DENND2C: variants seen among roughly 807,000 people sequenced by gnomAD.
DENND2C encodes DENN domain containing 2C.
In DENND2C, 72 loss-of-function variants were observed where a neutral mutation model predicts 112.4. The observed-to-expected ratio is 0.64, with a 90% CI of 0.53 to 0.78. The LOEUF (loss-of-function observed/expected upper bound fraction) is 0.78. Among genes scored for constraint, DENND2C ranks in the 30% least tolerant of loss-of-function variants. The pLI is 0.00. For synonymous variants in DENND2C, 329 were observed against 381.6 expected, an observed-to-expected ratio of 0.86 and a Z score of 1.61; for missense variants, 992 against 1,113.8, an observed-to-expected ratio of 0.89 and a Z score of 1.56.
chr1:114,646,087 C>T (rs1017505575), intron 2 of DENND2C, among the ~76,000 whole-genome samples: 6 of 151,986 alleles, frequency 3.9e-5, no homozygotes, highest in South Asian at 2.1e-4. Flanking sequence ...CCACCACACC[C>T]GGCTAATTTT....
At position 114,621,885 on chromosome 1, in the gene DENND2C, G is replaced by C; in HGVS notation, c.1227+10C>G. 1 of 1,550,358 alleles carries C rather than the reference G, an allele frequency of 6.5e-7. No homozygotes were observed. Among genetic ancestry groups the C allele is most frequent in the Non-Finnish European group, 8.7e-7 (1 of 1,146,912 alleles). ...TAAGAGTCAAAGAATGAAAGCACTG[G>C]AGTCTTTACCCTTGGAAGATTTTTC... On this transcript the variant is annotated intron_variant, in intron 7 of 20. Coordinates refer to ENST00000393274, the MANE Select transcript of DENND2C (RefSeq NM_001256404.2).
In DENND2C at chr1:114,625,427, T is replaced by A; in HGVS notation, c.558A>T (p.Gly186=). 1.2e-6 allele frequency: 2 copies of A among 1,614,174 alleles called. No homozygotes were observed. The highest frequency in any genetic ancestry group is 1.7e-6 in the Non-Finnish European group (2 of 1,180,030). ...AAATATTTTCTAAGCTCTTGGTTAT[T>A]CCGTATGAACTATCCAGAACTCTGA... ...LNFRVLDSSY[G]ITKSLENIYS... Residue 186 remains glycine (G), a synonymous_variant, in exon 4 of 21, where the codon GGA becomes GGT. Coordinates refer to ENST00000393274, the MANE Select transcript of DENND2C (RefSeq NM_001256404.2).
At chr1:114,591,300 T>TA (rs1485994304) in intron 18 of DENND2C, among the ~76,000 whole-genome samples, 7 of 152,118 alleles carry the variant, frequency 4.6e-5, no homozygotes, top group African/African-American at 1.7e-4. Context: ...ATGGTGGGTA[T>TA]AAAAAATGGT....
At chr1:114,652,661 CTTTTTTTTTT>C (rs55647145) in intron 2 of DENND2C, among the ~76,000 whole-genome samples, 31,714 of 109,868 alleles carry the variant, frequency 0.29, 4,140 homozygotes, top group Middle Eastern at 0.34. Flanking sequence ...CTTACATTTA[CTTTTTTTTTT>C]TTTTTTTTTT....
Position 114,600,258 on chromosome 1 carries a change from A to T in DENND2C, c.2051T>A (p.Val684Asp). ...ACGCTCCAAAAGGAGAGAGGCACAG[A>T]CCCGGATGAGATGACACACACTCAG... is the stretch of plus-strand genomic sequence containing the variant. ...KCLSVCHLIR[V>D]CASLLLERRV... Residue 684 changes from valine to aspartate, a missense_variant, in exon 15 of 21, where the codon GTC becomes GAC. This residue lies in a region of DENND2C where 516 missense variants were observed against 623.6 expected (regional missense o/e 0.83). Transcript: ENST00000393274. 1 of 1,614,120 alleles carries T rather than the reference A, an allele frequency of 6.2e-7. No homozygotes were observed. The highest frequency in any genetic ancestry group is 8.5e-7 in the Non-Finnish European group (1 of 1,180,022).
chr1:114,641,637 C>T (rs777052296), intron 3 of DENND2C, among the ~76,000 whole-genome samples: 8 of 152,260 alleles, frequency 5.3e-5, no homozygotes, highest in Middle Eastern at 6.8e-3. Context: ...TGTAACCTTC[C>T]TGAGGCCTCA....
chr1:114,611,325 T>C (rs1211892271), intron 8 of DENND2C, among the ~76,000 whole-genome samples: 1 of 152,174 alleles, frequency 6.6e-6, no homozygotes, highest in Non-Finnish European at 1.5e-5. Flanking sequence ...CTACTACATC[T>C]TCTTCCCATA....
intron 16 of DENND2C, among the ~76,000 whole-genome samples, chr1:114,598,609 C>G (rs76058689): frequency 0.026 from 4,015 of 152,218 alleles, 95 homozygotes; most frequent in Non-Finnish European, 0.034. Flanking sequence ...CCATTCCATT[C>G]TAATGCTCAT....
At chr1:114,596,015 C>T in intron 16 of DENND2C, 142 bp from the exon 17 acceptor site, 1 of 706,814 alleles carries the variant, frequency 1.4e-6, no homozygotes. Flanking sequence ...AAATAAATTG[C>T]AAGTAAAAGA....
intron 9 of DENND2C, 90 bp downstream of exon 9, chr1:114,610,983 G>C (rs1655800127): frequency 6.8e-7 from 1 of 1,468,034 alleles, no homozygotes; most frequent in African/African-American, 1.4e-5. Flanking sequence ...CTTCATGTGG[G>C]AAAAAACATG....
At chr1:114,637,601 C>T (rs912016592) in intron 3 of DENND2C, among the ~76,000 whole-genome samples, 5 of 151,474 alleles carry the variant, frequency 3.3e-5, no homozygotes, top group African/African-American at 9.7e-5. Flanking sequence ...ACTGCTGCCT[C>T]AACCTCTCGG....
At chr1:114,648,007 C>G (rs1657045073) in intron 2 of DENND2C, among the ~76,000 whole-genome samples, 1 of 152,088 alleles carries the variant, frequency 6.6e-6, no homozygotes, top group South Asian at 2.1e-4. Flanking sequence ...ATGGTTTCAC[C>G]ATGTTGGCCA....
At chr1:114,587,291 C>T (rs747074240) in intron 20 of DENND2C, 96 bp downstream of exon 20, 48 of 1,362,644 alleles carry the variant, frequency 3.5e-5, no homozygotes, top group Non-Finnish European at 4.7e-5. Context: ...AAGCAAACCT[C>T]CTTACTTGAC....
At chr1:114,645,424 A>G (rs1656953371) in intron 3 of DENND2C, 24 bp downstream of exon 3, 1 of 152,218 alleles carries the variant, frequency 6.6e-6, no homozygotes, top group Non-Finnish European at 1.5e-5. Context: ...CGAGCCAAGG[A>G]AACAGGCCTC....
In DENND2C at chr1:114,586,089, T is replaced by C. The variant is rs565749255; in HGVS notation, c.2756-458A>G. On this transcript the variant is annotated intron_variant, in intron 20 of 20. Transcript: ENST00000393274. ...AAGGACAGGGCCTAATTAGGGGGCA[T>C]ATATTTCAAAGACAAAATATAAATA... is the stretch of plus-strand genomic sequence containing the variant. Among the ~76,000 whole-genome samples, 28 of 152,352 alleles carry C rather than the reference T, an allele frequency of 1.8e-4. No individual in the cohort carries two copies. In the South Asian group the frequency reaches 4.3e-3, roughly 24 times the overall value.
In DENND2C at chr1:114,607,281, C is replaced by T. The variant is rs1221226629; in HGVS notation, c.1557+1405G>A. Among the ~76,000 whole-genome samples the T allele has an allele frequency of 7.9e-5, 12 of 152,168 alleles. 1 individual carries two copies. The highest frequency in any genetic ancestry group is 7.9e-4 in the Admixed American group (12 of 15,272). Reference sequence around the variant, plus strand: ...CAAATTCAAAGATAAAATTATTTAGCATTTCAAGATGGTGACTGCAGATCA... The same window carrying T: ...CAAATTCAAAGATAAAATTATTTAGTATTTCAAGATGGTGACTGCAGATCA... On this transcript the variant is annotated intron_variant, in intron 10 of 20. Coordinates refer to ENST00000393274, the MANE Select transcript of DENND2C (RefSeq NM_001256404.2).
At chr1:114,623,120 A>C in intron 5 of DENND2C, 21 bp from the exon 6 acceptor site, 1 of 1,585,114 alleles carries the variant, frequency 6.3e-7, no homozygotes, top group Non-Finnish European at 8.6e-7. Flanking sequence ...AATTTAAAAA[A>C]ATGTTTACAT....
intron 8 of DENND2C, among the ~76,000 whole-genome samples, chr1:114,616,002 G>T (rs1163974201): frequency 6.6e-6 from 1 of 152,286 alleles, no homozygotes; most frequent in Non-Finnish European, 1.5e-5. Context: ...ATGAACCCGG[G>T]AGGCGGAGCT....
chr1:114,618,980 T>C (rs1311504710), intron 7 of DENND2C, among the ~76,000 whole-genome samples: 2 of 152,264 alleles, frequency 1.3e-5, no homozygotes. Context: ...CATTATAATT[T>C]ATTTTAGAAA....
Sources: gnomAD v4.1 joint callset for allele counts (sites outside exome capture counted in the v4.1 genomes callset) on GRCh38, gnomAD v4.1.1 for gene constraint, gnomAD v4.1.1 regional missense constraint, MANE v1.5 for transcripts, NCBI Gene and HGNC (gene_info 2026-07-23, HGNC 2026-07-21) for gene names.